CHCHD6: variants seen among roughly 807,000 people sequenced by gnomAD.
CHCHD6 encodes the protein MICOS complex subunit MIC25.
Under a neutral mutation model 32.3 loss-of-function variants are expected in CHCHD6, and 28 were observed. The ratio of observed to expected loss-of-function variants is 0.87; its 90% CI spans 0.64 to 1.19. CHCHD6 has a LOEUF of 1.19. CHCHD6 is among the 50% of genes most tolerant of loss of function. The pLI, the probability that CHCHD6 is intolerant of heterozygous loss-of-function variation, is 0.00. For synonymous variants in CHCHD6, 122 were observed against 117.5 expected (o/e 1.04, Z -0.25); for missense variants, 333 against 307.0 (o/e 1.08, Z -0.63).
intron 4 of CHCHD6, among the ~76,000 whole-genome samples, chr3:126,764,208 T>A (rs964914543): frequency 6.8e-6 from 1 of 146,476 alleles, no homozygotes; most frequent in South Asian, 2.1e-4. Context: ...TGCATATATA[T>A]ATATATATAT....
Position 126,704,387 on chromosome 3 carries a change from G to T in CHCHD6, c.75G>T (p.Leu25=). 1 of 1,560,758 alleles carries T rather than the reference G, an allele frequency of 6.4e-7. No individual in the cohort carries two copies. Among genetic ancestry groups the T allele is most frequent in the Non-Finnish European group, 8.7e-7 (1 of 1,154,170 alleles). The stretch of plus-strand genomic sequence containing the variant: ...ACGAGGAGGAGCGGGTCCGGGTGCT[G>T]CAGGGTGTCCGGGTGAGCGGCGCCG... ...GVDEEERVRV[L]QGVRLSENVV... is the part of the protein sequence containing the mutation. Residue 25 remains leucine (L), a synonymous_variant, in exon 1 of 8, where the codon CTG becomes CTT. Transcript: ENST00000290913.
intron 4 of CHCHD6, among the ~76,000 whole-genome samples, chr3:126,811,727 A>G (rs2107531685): frequency 6.6e-6 from 1 of 152,298 alleles, no homozygotes; most frequent in South Asian, 2.1e-4. Context: ...CAGGCTTAGT[A>G]ATGTGAATGG....
chr3:126,929,455 A>T (rs908937383), intron 6 of CHCHD6, among the ~76,000 whole-genome samples: 1 of 152,154 alleles, frequency 6.6e-6, no homozygotes, highest in Non-Finnish European at 1.5e-5. Context: ...CCCTGTTTAG[A>T]CTTGAGTACA....
chr3:126,755,044 A>G (rs1290488642), intron 4 of CHCHD6, among the ~76,000 whole-genome samples: 2 of 152,172 alleles, frequency 1.3e-5, no homozygotes, highest in Non-Finnish European at 2.9e-5. Context: ...GAGTACCTGA[A>G]GAACGATGGC....
At chr3:126,948,055 G>A (rs891725037) in intron 6 of CHCHD6, among the ~76,000 whole-genome samples, 11 of 152,326 alleles carry the variant, frequency 7.2e-5, no homozygotes, top group East Asian at 3.9e-4. Flanking sequence ...CGTGGAAAGT[G>A]CACACTGCTC....
chr3:126,860,620 G>A (rs1448049440), intron 5 of CHCHD6, among the ~76,000 whole-genome samples: 1 of 152,158 alleles, frequency 6.6e-6, no homozygotes, highest in Non-Finnish European at 1.5e-5. Flanking sequence ...TTTTTCACAA[G>A]GTTAGGCTGA....
intron 4 of CHCHD6, among the ~76,000 whole-genome samples, chr3:126,745,495 A>G (rs1053923282): frequency 6.6e-6 from 1 of 152,214 alleles, no homozygotes; most frequent in African/African-American, 2.4e-5. Context: ...GTTATGCCAA[A>G]TTCCCCCAAA....
intron 1 of CHCHD6, among the ~76,000 whole-genome samples, chr3:126,721,202 T>A (rs1041356048): frequency 6.6e-6 from 1 of 152,150 alleles, no homozygotes; most frequent in African/African-American, 2.4e-5. Context: ...ACTTTCAGCG[T>A]CTCCTCGGGA....
At chr3:126,929,670 A>G (rs1046285603) in intron 6 of CHCHD6, among the ~76,000 whole-genome samples, 1 of 152,016 alleles carries the variant, frequency 6.6e-6, no homozygotes, top group Non-Finnish European at 1.5e-5. Context: ...GGTTCAAGCG[A>G]TTCTCCTGCC....
chr3:126,756,550 G>A (rs943650950), intron 4 of CHCHD6, among the ~76,000 whole-genome samples: 1 of 152,138 alleles, frequency 6.6e-6, no homozygotes. Flanking sequence ...ATAAATCCGG[G>A]TCTCCCTACT....
intron 4 of CHCHD6, chr3:126,780,462 G>T (rs1461086171): frequency 3.2e-6 from 1 of 311,432 alleles, no homozygotes; most frequent in Non-Finnish European, 6.4e-6. Context: ...TTCTGTGTTC[G>T]TCCAGAGGTA....
intron 6 of CHCHD6, among the ~76,000 whole-genome samples, chr3:126,924,417 T>A (rs1289292511): frequency 1.3e-5 from 2 of 152,200 alleles, no homozygotes; most frequent in African/African-American, 4.8e-5. Flanking sequence ...ACACACACAC[T>A]CTCACGTATA....
At chr3:126,715,247 G>A (rs1934954205) in intron 1 of CHCHD6, among the ~76,000 whole-genome samples, 2 of 152,062 alleles carry the variant, frequency 1.3e-5, no homozygotes, top group South Asian at 4.2e-4. Flanking sequence ...AAGTGTCCAG[G>A]GTTTGGATTT....
At chr3:126,790,432 C>G (rs1412775516) in intron 4 of CHCHD6, among the ~76,000 whole-genome samples, 1 of 152,182 alleles carries the variant, frequency 6.6e-6, no homozygotes, top group East Asian at 1.9e-4. Flanking sequence ...CAACTTGGTT[C>G]CATTCTCCCT....
intron 4 of CHCHD6, among the ~76,000 whole-genome samples, chr3:126,816,177 G>C (rs78615697): frequency 2.0e-4 from 30 of 152,248 alleles, no homozygotes; most frequent in African/African-American, 6.7e-4. Flanking sequence ...CGAGGTCCAA[G>C]AGGAGGAGTG....
chr3:126,767,449 A>C, intron 4 of CHCHD6: 2 of 672,972 alleles, frequency 3.0e-6, no homozygotes, highest in East Asian at 2.9e-5. Flanking sequence ...GCCCTTTCTC[A>C]TTCCTAGATT....
At chr3:126,842,200 G>A (rs943533598) in intron 4 of CHCHD6, among the ~76,000 whole-genome samples, 1 of 152,184 alleles carries the variant, frequency 6.6e-6, no homozygotes, top group African/African-American at 2.4e-5. Flanking sequence ...GTCACGTCAC[G>A]GGACATTTCT....
intron 4 of CHCHD6, among the ~76,000 whole-genome samples, chr3:126,843,027 A>G (rs991251568): frequency 6.6e-6 from 1 of 151,736 alleles, no homozygotes; most frequent in Non-Finnish European, 1.5e-5. Flanking sequence ...TCAATATTAC[A>G]CCAATAAGCA....
At position 126,842,640 on chromosome 3, in the gene CHCHD6, C is replaced by T. The variant is rs76619642; in HGVS notation, c.412-10007C>T. The stretch of plus-strand genomic sequence containing the variant: ...TAAATCTCAATTTTGCATTTAAGTA[C>T]ATTTACCTCACAGATACCACATCAG... On this transcript the variant is annotated intron_variant, in intron 4 of 7. Transcript: ENST00000290913. 8.5e-3 allele frequency among the ~76,000 whole-genome samples: 1,292 copies of T among 152,272 alleles called. 58 individuals carry two copies. In the East Asian group the frequency reaches 0.09, roughly 11 times the overall value.
Sources: allele counts gnomAD v4.1 joint callset (sites outside exome capture counted in the v4.1 genomes callset), GRCh38; gene constraint gnomAD v4.1.1; transcripts MANE v1.5; gene names NCBI Gene and HGNC (gene_info 2026-07-23, HGNC 2026-07-21).